BIRC2: variants seen among roughly 807,000 people sequenced by gnomAD.
The protein encoded by BIRC2 is baculoviral IAP repeat-containing protein 2.
Under a neutral mutation model 60.9 loss-of-function variants are expected in BIRC2, and 18 were observed. The observed-to-expected ratio is 0.30, with a 90% CI of 0.20 to 0.44. BIRC2 has a LOEUF of 0.44. Ranked by LOEUF, BIRC2 falls within the 20% of genes least tolerant of loss-of-function variation. The pLI is 1.00. For missense variants in BIRC2, 701 were observed against 728.5 expected (o/e 0.96, Z 0.43); for synonymous variants, 282 against 247.7 (o/e 1.14, Z -1.30).
intron 1 of BIRC2, 80 bp downstream of exon 1, chr11:102,347,456 G>A (rs962075317): frequency 3.1e-3 from 1 of 324 alleles, no homozygotes; most frequent in African/African-American, 0.036. Flanking sequence ...CTTCCCTGAT[G>A]TGGCGGCGAA....
chr11:102,373,774 G>A (rs929041286), intron 6 of BIRC2, among the ~76,000 whole-genome samples: 1 of 151,664 alleles, frequency 6.6e-6, no homozygotes, highest in Non-Finnish European at 1.5e-5. Flanking sequence ...TTCCAACTTG[G>A]TTCCAATCTC....
rs766924878 is a variant in BIRC2 at position 102,378,005 on chromosome 11, A to G, written c.1679A>G (p.Glu560Gly). Residue 560 changes from glutamate (E) to glycine (G), a missense_variant, in exon 9 of 9, where the codon GAA (glutamate) becomes GGA (glycine). Coordinates refer to ENST00000227758, the MANE Select transcript of BIRC2 (RefSeq NM_001166.5). ...TTGTTATTAGGTCTGTCACTGGAAG[A>G]ACAATTGAGGAGGTTGCAAGAAGAA... ...TEDVSGLSLE[E>G]QLRRLQEERT... The G allele has an allele frequency of 6.2e-7, 1 of 1,609,686 alleles. No homozygotes were observed. Among genetic ancestry groups the G allele is most frequent in the East Asian group, 2.2e-5 (1 of 44,838 alleles).
intron 1 of BIRC2, chr11:102,347,846 G>A (rs1325954448): frequency 6.6e-6 from 1 of 152,158 alleles, no homozygotes; most frequent in Non-Finnish European, 1.5e-5. Flanking sequence ...AAATTATTGG[G>A]TAAATCCCAT....
chr11:102,375,779 C>CAA (rs1278393063), intron 6 of BIRC2, among the ~76,000 whole-genome samples: 30 of 74,724 alleles, frequency 4.0e-4, no homozygotes, highest in African/African-American at 5.3e-4. Flanking sequence ...GACTCCATCT[C>CAA]AAAAAAAAAA....
intron 6 of BIRC2, among the ~76,000 whole-genome samples, chr11:102,372,268 C>G (rs1951641458): frequency 6.6e-6 from 1 of 152,156 alleles, no homozygotes; most frequent in Non-Finnish European, 1.5e-5. Flanking sequence ...ATTAGGGTGT[C>G]AATTTTAGAT....
At chr11:102,358,099 C>T (rs1951444101) in intron 3 of BIRC2, among the ~76,000 whole-genome samples, 2 of 152,102 alleles carry the variant, frequency 1.3e-5, no homozygotes. Context: ...TGAAAAGATA[C>T]TTGATAGGAT....
chr11:102,369,541 C>T (rs1277910015), intron 6 of BIRC2, among the ~76,000 whole-genome samples: 2 of 148,826 alleles, frequency 1.3e-5, no homozygotes, highest in Non-Finnish European at 3.0e-5. Flanking sequence ...ATATGTGCCA[C>T]ATTTTCTTAA....
intron 3 of BIRC2, among the ~76,000 whole-genome samples, chr11:102,356,089 T>C (rs574939887): frequency 6.6e-6 from 1 of 152,304 alleles, no homozygotes; most frequent in South Asian, 2.1e-4. Flanking sequence ...CCTTTTTCTT[T>C]TTCTTGCTTA....
At chr11:102,377,219 G>A (rs1360560133) in intron 6 of BIRC2, among the ~76,000 whole-genome samples, 1 of 152,124 alleles carries the variant, frequency 6.6e-6, no homozygotes, top group Non-Finnish European at 1.5e-5. Context: ...TATATATGGT[G>A]GGGGGAAATT....
intron 3 of BIRC2, among the ~76,000 whole-genome samples, chr11:102,362,404 A>G (rs1023846498): frequency 2.0e-5 from 3 of 152,222 alleles, no homozygotes; most frequent in Non-Finnish European, 4.4e-5. Flanking sequence ...ACACTGTCAT[A>G]TTATATATAG....
At chr11:102,375,538 T>C (rs1951701505) in intron 6 of BIRC2, among the ~76,000 whole-genome samples, 2 of 152,122 alleles carry the variant, frequency 1.3e-5, no homozygotes, top group African/African-American at 4.8e-5. Flanking sequence ...CCCAGCACTT[T>C]GGGAGGCCAA....
intron 6 of BIRC2, among the ~76,000 whole-genome samples, chr11:102,373,876 C>CT (rs998258443): frequency 1.2e-4 from 18 of 148,702 alleles, no homozygotes; most frequent in African/African-American, 4.2e-4. Flanking sequence ...TCTTTTTATT[C>CT]TTTTTTCTCT....
Position 102,347,720 on chromosome 11 carries a change from G to A in BIRC2, c.-1258+344G>A, listed in dbSNP as rs536539600. 3.9e-5 allele frequency: 6 copies of A among 152,346 alleles called. No individual in the cohort carries two copies. The East Asian group carries it at 9.6e-4, about 24-fold the overall frequency. The allele number at this position is 152,346 out of a possible 1,614,324, so 9.4% of individuals were successfully genotyped here. On this transcript the variant is annotated intron_variant, in intron 1 of 8. Transcript: ENST00000227758. ...ACTTAGCCCTCGGCGTTCTTTTAAT[G>A]TAATACATTGAAACGAAGATATTTC...
chr11:102,352,577 A>G (rs972865274), intron 3 of BIRC2, among the ~76,000 whole-genome samples: 2 of 151,922 alleles, frequency 1.3e-5, no homozygotes, highest in Non-Finnish European at 2.9e-5. Flanking sequence ...TGCCTGGTTA[A>G]TTTTTTTGTA....
rs373520629 is a variant in BIRC2, at chr11:102,363,205, A to G, written c.1074+231A>G. ...TCTTTGGTTTTTACTTTTGTAACCA[A>G]CTTGATTTTTGAGGGCTTTTTAAAA... On this transcript the variant is annotated intron_variant, in intron 4 of 8. Transcript: ENST00000227758. Among the ~76,000 whole-genome samples, 5 of 152,186 alleles carry G rather than the reference A, an allele frequency of 3.3e-5. No homozygotes were observed. In the East Asian group the frequency reaches 9.6e-4, roughly 29 times the overall value.
At chr11:102,364,176 C>CAT (rs1445877690) in intron 5 of BIRC2, among the ~76,000 whole-genome samples, 17 of 49,496 alleles carry the variant, frequency 3.4e-4, no homozygotes, top group South Asian at 3.2e-3. Flanking sequence ...TATATATATA[C>CAT]ACACACACAC....
intron 3 of BIRC2, among the ~76,000 whole-genome samples, chr11:102,357,475 T>C (rs140514650): frequency 2.8e-4 from 42 of 152,292 alleles, no homozygotes; most frequent in African/African-American, 8.4e-4. Flanking sequence ...TCCTTACTAG[T>C]TATAAGTCTT....
At chr11:102,376,893 G>A (rs555319551) in intron 6 of BIRC2, among the ~76,000 whole-genome samples, 35 of 152,160 alleles carry the variant, frequency 2.3e-4, no homozygotes, top group Non-Finnish European at 4.7e-4. Flanking sequence ...CACATAGCTA[G>A]TGAGTGGGCC....
intron 3 of BIRC2, among the ~76,000 whole-genome samples, chr11:102,357,201 A>G (rs1303754160): frequency 6.6e-6 from 1 of 152,086 alleles, no homozygotes; most frequent in African/African-American, 2.4e-5. Flanking sequence ...TGGCTTTGGT[A>G]TCAGAGTAAT....
Sources: gnomAD v4.1 joint callset for allele counts (sites outside exome capture counted in the v4.1 genomes callset) on GRCh38, gnomAD v4.1.1 for gene constraint, MANE v1.5 for transcripts, NCBI Gene and HGNC (gene_info 2026-07-23, HGNC 2026-07-21) for gene names.